The following EPB41L2 variants were observed in gnomAD, a reference collection of about 807,000 sequenced individuals.
The protein encoded by EPB41L2 is erythrocyte membrane protein band 4.1 like 2, also known as band 4.1-like protein 2.
EPB41L2 carries 43 observed loss-of-function variants against 113.0 expected under a neutral mutation model. That is an observed-to-expected ratio of 0.38 (90% confidence interval 0.30 to 0.49). The LOEUF (loss-of-function observed/expected upper bound fraction) is 0.49, where lower values mean the gene tolerates loss of function less well. Among genes scored for constraint, EPB41L2 ranks in the 20% least tolerant of loss-of-function variants. The pLI, the probability that EPB41L2 is intolerant of heterozygous loss-of-function variation, is 0.95. For missense variants in EPB41L2, 1,147 were observed against 1,223.4 expected (o/e 0.94, Z 0.93); for synonymous variants, 442 against 436.7 (o/e 1.01, Z -0.15).
intron 3 of EPB41L2, among the ~76,000 whole-genome samples, chr6:130,935,765 T>C (rs949880388): frequency 6.6e-6 from 1 of 152,184 alleles, no homozygotes; most frequent in African/African-American, 2.4e-5. Context: ...AAATTTTCAA[T>C]AGTTTTCAAG....
chr6:130,857,443 T>G (rs1231706541), intron 19 of EPB41L2, among the ~76,000 whole-genome samples: 3 of 152,162 alleles, frequency 2.0e-5, no homozygotes, highest in Non-Finnish European at 2.9e-5. Flanking sequence ...AACTTAATCA[T>G]TTATTAATCC....
At chr6:130,847,544 AATTGC>A (rs1464493301) in intron 19 of EPB41L2, among the ~76,000 whole-genome samples, 2 of 152,116 alleles carry the variant, frequency 1.3e-5, no homozygotes, top group African/African-American at 4.8e-5. Flanking sequence ...AAAACAACAG[AATTGC>A]ATTATATCTT....
intron 1 of EPB41L2, among the ~76,000 whole-genome samples, chr6:131,002,535 C>G (rs935136236): frequency 3.9e-5 from 6 of 152,138 alleles, no homozygotes; most frequent in African/African-American, 1.4e-4. Context: ...TACACAGCTA[C>G]GAATTCCTAC....
intron 1 of EPB41L2, among the ~76,000 whole-genome samples, chr6:130,975,074 A>G (rs558545088): frequency 9.7e-4 from 148 of 152,294 alleles, no homozygotes; most frequent in Middle Eastern, 3.4e-3. Flanking sequence ...TTAGCAGAGA[A>G]GTACACAAAG....
intron 4 of EPB41L2, among the ~76,000 whole-genome samples, chr6:130,914,123 C>G (rs1317116619): frequency 6.6e-6 from 1 of 152,168 alleles, no homozygotes; most frequent in African/African-American, 2.4e-5. Flanking sequence ...GCCTCAATTT[C>G]CTCAAACACA....
At chr6:130,860,771 T>C (rs1157758616) in intron 18 of EPB41L2, among the ~76,000 whole-genome samples, 1 of 151,718 alleles carries the variant, frequency 6.6e-6, no homozygotes, top group Non-Finnish European at 1.5e-5. Context: ...CCTGACCTCA[T>C]GATCTGCCCG....
chr6:130,863,606 C>T, intron 18 of EPB41L2, 32 bp downstream of exon 18: 1 of 1,453,240 alleles, frequency 6.9e-7, no homozygotes, highest in Non-Finnish European at 9.7e-7. Context: ...ACAAACAGGG[C>T]CATTTCCAAA....
At chr6:130,852,190 C>T (rs965687270) in intron 19 of EPB41L2, among the ~76,000 whole-genome samples, 3 of 152,178 alleles carry the variant, frequency 2.0e-5, no homozygotes, top group African/African-American at 7.2e-5. Flanking sequence ...CTTCTATTAT[C>T]ATCCCCAGTT....
chr6:131,033,195 A>T (rs1374601497), intron 1 of EPB41L2, among the ~76,000 whole-genome samples: 1 of 152,192 alleles, frequency 6.6e-6, no homozygotes, highest in Non-Finnish European at 1.5e-5. Flanking sequence ...GATTTAAAAA[A>T]GAAAAAAAGA....
At chr6:131,020,593 T>C (rs1789232151) in intron 1 of EPB41L2, among the ~76,000 whole-genome samples, 1 of 152,228 alleles carries the variant, frequency 6.6e-6, no homozygotes, top group South Asian at 2.1e-4. Flanking sequence ...ACTGATGGAT[T>C]GATTTTTCAT....
At position 131,006,656 on chromosome 6, in the gene EPB41L2, A is replaced by C. The variant is rs1305121473; in HGVS notation, c.-14-50157T>G. ...CTGAACCCGACTGGGTGACGGACTG[A>C]GACTCTATCTCAAAAAAAAAAAAAA... On this transcript the variant is annotated intron_variant, in intron 1 of 19. Coordinates refer to ENST00000337057, the MANE Select transcript of EPB41L2 (RefSeq NM_001431.4). Among the ~76,000 whole-genome samples, 11 of 138,046 alleles carry C rather than the reference A, an allele frequency of 8.0e-5. No homozygotes were observed. In the East Asian group the frequency reaches 1.5e-3, roughly 19 times the overall value. The allele number at this position is 138,046 out of a possible 152,430, so 90.6% of individuals were successfully genotyped here. A position where few individuals can be genotyped will look rare whatever the true frequency, so the allele number is the denominator to read the frequency against.
chr6:130,944,644 T>C (rs1214304180), intron 3 of EPB41L2, among the ~76,000 whole-genome samples: 1 of 152,110 alleles, frequency 6.6e-6, no homozygotes, highest in Non-Finnish European at 1.5e-5. Flanking sequence ...GCAGGAATCA[T>C]GTGATGGGGA....
intron 3 of EPB41L2, among the ~76,000 whole-genome samples, chr6:130,953,979 A>G (rs1422730093): frequency 1.7e-5 from 1 of 58,312 alleles, no homozygotes; most frequent in Non-Finnish European, 3.0e-5. Context: ...TTGTTACAAC[A>G]GCAAAAACTA....
chr6:130,929,857 T>TCC (rs1491200686), intron 3 of EPB41L2, among the ~76,000 whole-genome samples: 29 of 123,372 alleles, frequency 2.4e-4, no homozygotes, highest in African/African-American at 8.5e-4. Context: ...AGACAGACAG[T>TCC]CACACACACA....
intron 1 of EPB41L2, among the ~76,000 whole-genome samples, chr6:131,052,345 A>C (rs1796733687): frequency 6.6e-6 from 1 of 152,226 alleles, no homozygotes; most frequent in South Asian, 2.1e-4. Flanking sequence ...TAGAGCCCAG[A>C]AAAAGAGGCG....
chr6:131,047,869 C>T (rs1055618192), intron 1 of EPB41L2, among the ~76,000 whole-genome samples: 2 of 152,014 alleles, frequency 1.3e-5, no homozygotes, highest in African/African-American at 2.4e-5. Flanking sequence ...CGGCTGGGCG[C>T]GGTGGCTCAT....
At chr6:130,917,603 T>C (rs1801533690) in intron 4 of EPB41L2, among the ~76,000 whole-genome samples, 1 of 152,162 alleles carries the variant, frequency 6.6e-6, no homozygotes, top group African/African-American at 2.4e-5. Flanking sequence ...TCCTTGACTA[T>C]AAATTTCCAC....
chr6:130,950,776 T>C (rs757964607), intron 3 of EPB41L2, among the ~76,000 whole-genome samples: 4 of 152,106 alleles, frequency 2.6e-5, no homozygotes, highest in African/African-American at 4.8e-5. Context: ...ATAAAAATAA[T>C]ACAAAATGAA....
chr6:130,931,244 A>C (rs915651864), intron 3 of EPB41L2, among the ~76,000 whole-genome samples: 4 of 152,176 alleles, frequency 2.6e-5, no homozygotes, highest in Non-Finnish European at 5.9e-5. Flanking sequence ...ATCTACAATG[A>C]TTTTATTCTA....
Sources: gnomAD v4.1 joint callset for allele counts (sites outside exome capture counted in the v4.1 genomes callset) on GRCh38, gnomAD v4.1.1 for gene constraint, MANE v1.5 for transcripts, NCBI Gene and HGNC (gene_info 2026-07-23, HGNC 2026-07-21) for gene names.